The following GNAQ variants were observed in gnomAD, a reference collection of about 807,000 sequenced individuals.
GNAQ encodes the protein guanine nucleotide-binding protein G(q) subunit alpha.
In GNAQ, 8 loss-of-function variants were observed where a neutral mutation model predicts 43.9. The observed-to-expected ratio is 0.18, with a 90% CI of 0.11 to 0.33. GNAQ has a LOEUF of 0.33. Among genes scored for constraint, GNAQ ranks in the 10% least tolerant of loss-of-function variants. The pLI is 1.00. For missense variants in GNAQ, 158 were observed against 450.8 expected (o/e 0.35, Z 5.88); for synonymous variants, 155 against 170.7 (o/e 0.91, Z 0.71).
intron 1 of GNAQ, among the ~76,000 whole-genome samples, chr9:77,978,981 G>C (rs929043892): frequency 4.6e-5 from 7 of 152,144 alleles, no homozygotes; most frequent in African/African-American, 1.7e-4. Flanking sequence ...GCTTGAAACT[G>C]GGAGGCAGAG....
At chr9:78,002,367 C>T (rs1823654637) in intron 1 of GNAQ, among the ~76,000 whole-genome samples, 3 of 152,032 alleles carry the variant, frequency 2.0e-5, no homozygotes, top group South Asian at 2.1e-4. Context: ...GAAGAACACA[C>T]CCCCACACAG....
At chr9:78,023,194 CAATT>C (rs1364842442) in intron 1 of GNAQ, among the ~76,000 whole-genome samples, 1 of 152,172 alleles carries the variant, frequency 6.6e-6, no homozygotes, top group African/African-American at 2.4e-5. Flanking sequence ...TGTTCAGTAA[CAATT>C]TATTTTTGCT....
At chr9:77,779,341 A>T (rs1347682906) in intron 5 of GNAQ, among the ~76,000 whole-genome samples, 1 of 152,012 alleles carries the variant, frequency 6.6e-6, no homozygotes, top group Non-Finnish European at 1.5e-5. Context: ...AAAGAAGTTA[A>T]GAAGTGTTTT....
chr9:77,832,999 C>G (rs951295890), intron 2 of GNAQ, among the ~76,000 whole-genome samples: 1 of 152,154 alleles, frequency 6.6e-6, no homozygotes, highest in African/African-American at 2.4e-5. Flanking sequence ...TGGATTCTCG[C>G]TCTATCTCCC....
At chr9:77,797,324 C>T (rs776864348) in intron 4 of GNAQ, among the ~76,000 whole-genome samples, 196 bp downstream of exon 4, 7 of 152,302 alleles carry the variant, frequency 4.6e-5, no homozygotes, top group East Asian at 1.9e-4. Flanking sequence ...TGAGCCACCG[C>T]GCCCGGCCTC....
chr9:77,904,039 C>T (rs186013435), intron 2 of GNAQ, among the ~76,000 whole-genome samples: 38 of 152,258 alleles, frequency 2.5e-4, no homozygotes, highest in Admixed American at 2.1e-3. Context: ...TCCATATCAA[C>T]TTGGATAATT....
At chr9:77,957,964 T>TA (rs571165358) in intron 1 of GNAQ, among the ~76,000 whole-genome samples, 9 of 152,340 alleles carry the variant, frequency 5.9e-5, no homozygotes, top group Admixed American at 5.9e-4. Flanking sequence ...GCATTTTTCT[T>TA]ACAAGATCAA....
chr9:77,820,634 T>C (rs1402160699), intron 2 of GNAQ, among the ~76,000 whole-genome samples: 3 of 152,230 alleles, frequency 2.0e-5, no homozygotes, highest in African/African-American at 7.2e-5. Flanking sequence ...AAGGATCTAC[T>C]GATTCTCCTT....
intron 5 of GNAQ, among the ~76,000 whole-genome samples, chr9:77,759,845 G>A (rs1392984373): frequency 6.6e-6 from 1 of 152,034 alleles, no homozygotes; most frequent in Non-Finnish European, 1.5e-5. Flanking sequence ...GTAGACTACA[G>A]TATATAATGT....
chr9:78,000,114 T>C (rs1823625648), intron 1 of GNAQ, among the ~76,000 whole-genome samples: 1 of 152,188 alleles, frequency 6.6e-6, no homozygotes, highest in Non-Finnish European at 1.5e-5. Context: ...GAACATAAAC[T>C]ATAAATGTCC....
chr9:77,939,366 T>G (rs183521100), intron 1 of GNAQ, among the ~76,000 whole-genome samples: 33 of 152,334 alleles, frequency 2.2e-4, no homozygotes, highest in African/African-American at 7.5e-4. Context: ...TCCTGCAGCA[T>G]GAAGAACTAA....
chr9:77,908,432 A>C (rs966401425), intron 2 of GNAQ, among the ~76,000 whole-genome samples: 2 of 152,116 alleles, frequency 1.3e-5, no homozygotes, highest in Non-Finnish European at 2.9e-5. Flanking sequence ...AACAATAAGC[A>C]ATTTCTTCTC....
At chr9:78,028,689 G>T (rs953580894) in intron 1 of GNAQ, among the ~76,000 whole-genome samples, 18 of 152,156 alleles carry the variant, frequency 1.2e-4, no homozygotes, top group African/African-American at 4.3e-4. Flanking sequence ...CTCTAGATAG[G>T]TTTGTTTAAA....
chr9:77,774,898 CAT>C (rs922369056), intron 5 of GNAQ, among the ~76,000 whole-genome samples: 91 of 152,054 alleles, frequency 6.0e-4, no homozygotes, highest in African/African-American at 2.1e-3. Flanking sequence ...ATAAATAAAA[CAT>C]AAAAACAAAA....
intron 1 of GNAQ, among the ~76,000 whole-genome samples, chr9:78,016,822 A>G (rs1420395580): frequency 1.3e-5 from 2 of 152,236 alleles, no homozygotes; most frequent in African/African-American, 4.8e-5. Context: ...TAAGCAGTTT[A>G]GAAAATAAAA....
chr9:77,761,553 G>T (rs1826023856), intron 5 of GNAQ, among the ~76,000 whole-genome samples: 1 of 141,678 alleles, frequency 7.1e-6, no homozygotes, highest in Non-Finnish European at 1.6e-5. Context: ...AGGTGGGGGG[G>T]TCAGCCCCCC....
chr9:77,835,694 T>C (rs961912001), intron 2 of GNAQ, among the ~76,000 whole-genome samples: 1 of 152,146 alleles, frequency 6.6e-6, no homozygotes, highest in African/African-American at 2.4e-5. Context: ...ATTAGACCCA[T>C]TTATAGCTCA....
At chr9:77,998,018 T>C (rs1823596736) in intron 1 of GNAQ, among the ~76,000 whole-genome samples, 1 of 152,124 alleles carries the variant, frequency 6.6e-6, no homozygotes, top group Admixed American at 6.5e-5. Flanking sequence ...CATCAACTGC[T>C]CTCTCTCCTC....
At chr9:77,956,476 C>G (rs1587429881) in intron 1 of GNAQ, among the ~76,000 whole-genome samples, 1 of 152,252 alleles carries the variant, frequency 6.6e-6, no homozygotes, top group East Asian at 1.9e-4. Context: ...CTAATATTAC[C>G]CTTTTAGTAT....
Sources: gnomAD v4.1 joint callset for allele counts (sites outside exome capture counted in the v4.1 genomes callset) on GRCh38, gnomAD v4.1.1 for gene constraint, MANE v1.5 for transcripts, NCBI Gene and HGNC (gene_info 2026-07-23, HGNC 2026-07-21) for gene names.